CPVL: variants seen among roughly 807,000 people sequenced by gnomAD.
CPVL encodes the protein probable serine carboxypeptidase CPVL.
CPVL carries 51 observed loss-of-function variants against 63.7 expected under a neutral mutation model. That is an observed-to-expected ratio of 0.80 (90% CI 0.64 to 1.01). The LOEUF is 1.01. Ranked by LOEUF, CPVL falls within the 50% of genes least tolerant of loss-of-function variation. The pLI, the probability that CPVL is intolerant of heterozygous loss-of-function variation, is 0.00. For missense variants in CPVL, 530 were observed against 573.1 expected (o/e 0.92, Z 0.77); for synonymous variants, 195 against 206.0 (o/e 0.95, Z 0.46).
chr7:29,031,261 G>T (rs1028833017), intron 11 of CPVL, among the ~76,000 whole-genome samples: 9 of 152,178 alleles, frequency 5.9e-5, no homozygotes, highest in African/African-American at 2.2e-4. Context: ...CAGACAGAGA[G>T]ATTCAGGTGC....
chr7:29,106,469 A>G (rs1317978396), intron 3 of CPVL, among the ~76,000 whole-genome samples: 1 of 152,002 alleles, frequency 6.6e-6, no homozygotes, highest in Admixed American at 6.6e-5. Context: ...CCCCCACCTC[A>G]ACACACTGCT....
chr7:29,121,088 A>T lies in CPVL; in HGVS notation c.-10-17T>A, dbSNP rs750049806. 4.5e-6 allele frequency: 7 copies of T among 1,554,956 alleles called. No homozygotes were observed. In the African/African-American group the frequency reaches 8.4e-5, roughly 19 times the overall value. On this transcript the variant is annotated splice_polypyrimidine_tract_variant and intron_variant, in intron 1 of 12. Transcript: ENST00000265394. ...TCTCAGGGTCTAGGATAAAAACAGC[A>T]TTCCAAAAATGAATCATAAGAGTAA...
intron 4 of CPVL, among the ~76,000 whole-genome samples, chr7:29,183,742 T>C (rs145713653): frequency 7.9e-5 from 12 of 152,194 alleles, no homozygotes; most frequent in African/African-American, 2.6e-4. Flanking sequence ...GAGAGATATA[T>C]AGAAGATATA....
chr7:29,089,916 G>T (rs924882729), intron 6 of CPVL, among the ~76,000 whole-genome samples: 1 of 151,088 alleles, frequency 6.6e-6, no homozygotes, highest in Non-Finnish European at 1.5e-5. Context: ...AGGCTGCAGT[G>T]CAGTGGTGTG....
At chr7:29,019,884 C>T (rs1463314584) in intron 12 of CPVL, among the ~76,000 whole-genome samples, 1 of 152,180 alleles carries the variant, frequency 6.6e-6, no homozygotes, top group Non-Finnish European at 1.5e-5. Context: ...AAATGCAGAT[C>T]CCTTGCTGCG....
At chr7:29,193,789 T>A (rs1390493082) in intron 1 of CPVL, 2 of 152,246 alleles carry the variant, frequency 1.3e-5, no homozygotes, top group Non-Finnish European at 2.9e-5. Context: ...GTGAGAATCT[T>A]TTTTTGCAAG....
chr7:29,165,201 T>C (rs1795748778), intron 5 of CPVL, among the ~76,000 whole-genome samples: 1 of 152,056 alleles, frequency 6.6e-6, no homozygotes, highest in African/African-American at 2.4e-5. Context: ...ATCTCATCTT[T>C]TCAATTATCT....
chr7:29,176,108 C>T (rs528449271), intron 5 of CPVL, among the ~76,000 whole-genome samples: 2 of 151,898 alleles, frequency 1.3e-5, no homozygotes, highest in Admixed American at 6.6e-5. Flanking sequence ...ATGGTGTGAA[C>T]CTGGGAGGCG....
chr7:28,998,905 G>C (rs1784344758), intron 12 of CPVL, among the ~76,000 whole-genome samples: 1 of 152,226 alleles, frequency 6.6e-6, no homozygotes, highest in Non-Finnish European at 1.5e-5. Flanking sequence ...AAAAAAGGTT[G>C]TTTAAAACAA....
chr7:29,189,626 C>T (rs1218701643), intron 1 of CPVL, among the ~76,000 whole-genome samples: 1 of 152,168 alleles, frequency 6.6e-6, no homozygotes, highest in Non-Finnish European at 1.5e-5. Context: ...CAATGAGTTT[C>T]TGAATGCTAT....
Position 29,103,378 on chromosome 7 carries a change from T to G in CPVL, c.289-7161A>C, listed in dbSNP as rs1345180545. Among the ~76,000 whole-genome samples, 4 of 151,116 alleles carry G rather than the reference T, an allele frequency of 2.6e-5. No individual in the cohort carries two copies. In the East Asian group the frequency reaches 7.8e-4, roughly 29 times the overall value. The stretch of plus-strand genomic sequence containing the variant: ...ATCCTGCCTCAGCCTCCTGAGTAGC[T>G]GGGATTAGAGGTGTGCACCACCATG... On this transcript the variant is annotated intron_variant, in intron 3 of 12. Transcript: ENST00000265394.
At chr7:29,091,391 C>T (rs1785767627) in intron 6 of CPVL, among the ~76,000 whole-genome samples, 1 of 151,300 alleles carries the variant, frequency 6.6e-6, no homozygotes, top group African/African-American at 2.4e-5. Flanking sequence ...TGGATTTAAA[C>T]CAAAGAGGGA....
chr7:29,016,982 C>T (rs1242979358), intron 12 of CPVL, among the ~76,000 whole-genome samples: 1 of 152,188 alleles, frequency 6.6e-6, no homozygotes, highest in East Asian at 1.9e-4. Flanking sequence ...CCTAAAGTTA[C>T]CATTATAAAC....
At chr7:29,129,504 T>A (rs563162411) in intron 1 of CPVL, among the ~76,000 whole-genome samples, 1 of 149,966 alleles carries the variant, frequency 6.7e-6, no homozygotes, top group South Asian at 2.1e-4. Context: ...CGAGTCTCGC[T>A]CGGTCGCCAG....
intron 12 of CPVL, chr7:29,001,258 A>T (rs1784604403): frequency 6.6e-6 from 1 of 152,210 alleles, no homozygotes; most frequent in Admixed American, 6.5e-5. Flanking sequence ...GGAAAGAGAA[A>T]AGAGCCACAT....
intron 2 of CPVL, 117 bp downstream of exon 2, chr7:29,120,776 G>A (rs181432735): frequency 5.6e-5 from 54 of 965,316 alleles, no homozygotes; most frequent in Admixed American, 1.3e-4. Flanking sequence ...AGCTGAGATC[G>A]CGCCACTGAC....
intron 5 of CPVL, among the ~76,000 whole-genome samples, chr7:29,179,398 C>T (rs1584592906): frequency 1.3e-5 from 2 of 152,226 alleles, no homozygotes; most frequent in East Asian, 1.9e-4. Context: ...GAAGAAAAGA[C>T]TCCAGAATGC....
intron 1 of CPVL, chr7:29,124,954 C>T (rs548534886): frequency 6.6e-6 from 1 of 152,214 alleles, no homozygotes; most frequent in South Asian, 2.1e-4. Context: ...GAATAAGGTT[C>T]TATTTGTACT....
chr7:29,028,221 C>A (rs903765312), intron 12 of CPVL, among the ~76,000 whole-genome samples: 20 of 152,162 alleles, frequency 1.3e-4, no homozygotes, highest in African/African-American at 4.8e-4. Flanking sequence ...ATGAATGGTG[C>A]TGGGTAAACT....
Sources: gnomAD v4.1 joint callset for allele counts (sites outside exome capture counted in the v4.1 genomes callset) on GRCh38, gnomAD v4.1.1 for gene constraint, MANE v1.5 for transcripts, NCBI Gene and HGNC (gene_info 2026-07-23, HGNC 2026-07-21) for gene names.